SYN3: variants seen among roughly 807,000 people sequenced by gnomAD.
SYN3 encodes the protein synapsin III, also known as synapsin-3.
Under a neutral mutation model 65.8 loss-of-function variants are expected in SYN3, and 35 were observed. That is an observed-to-expected ratio of 0.53 (90% confidence interval 0.41 to 0.70). The LOEUF (loss-of-function observed/expected upper bound fraction) is 0.70, where lower values mean the gene tolerates loss of function less well. Ranked by LOEUF, SYN3 falls within the 30% of genes least tolerant of loss-of-function variation. The pLI, the probability that SYN3 is intolerant of heterozygous loss-of-function variation, is 0.00. For synonymous variants in SYN3, 270 were observed against 292.9 expected (o/e 0.92, Z 0.80); for missense variants, 680 against 749.0 (o/e 0.91, Z 1.08).
intron 7 of SYN3, among the ~76,000 whole-genome samples, chr22:32,589,230 AG>A (rs986303589): frequency 1.3e-5 from 2 of 152,204 alleles, no homozygotes; most frequent in Admixed American, 6.5e-5. Context: ...TCCCAGGCTA[AG>A]TCCCAGTTGT....
intron 4 of SYN3, among the ~76,000 whole-genome samples, chr22:32,914,107 G>A (rs2050128343): frequency 6.6e-6 from 1 of 152,158 alleles, no homozygotes; most frequent in East Asian, 1.9e-4. Context: ...GGAAACTGGG[G>A]CACAGCAAGA....
chr22:32,860,397 C>T (rs1182484453), intron 6 of SYN3: 3 of 152,576 alleles, frequency 2.0e-5, no homozygotes, highest in African/African-American at 7.2e-5. Context: ...TTGCATATAC[C>T]CACATGGGGA....
At position 32,930,361 on chromosome 22, in the gene SYN3, T is replaced by C. The variant is rs549257624; in HGVS notation, c.461+1029A>G. Among the ~76,000 whole-genome samples, 9 of 152,310 alleles carry C rather than the reference T, an allele frequency of 5.9e-5. No homozygotes were observed. The East Asian group carries it at 9.7e-4, about 16-fold the overall frequency. On this transcript the variant is annotated intron_variant, in intron 4 of 13. Coordinates refer to ENST00000358763, the MANE Select transcript of SYN3 (RefSeq NM_003490.4). ...CTCTCTTGTCTGCCATCAGGTAAGATATGCCTTTCACCTTCCACCGTGATT... is the reference window on the plus strand; with the variant it reads ...CTCTCTTGTCTGCCATCAGGTAAGACATGCCTTTCACCTTCCACCGTGATT...
At chr22:32,876,675 G>C (rs2048992336) in intron 4 of SYN3, among the ~76,000 whole-genome samples, 1 of 150,870 alleles carries the variant, frequency 6.6e-6, no homozygotes, top group Admixed American at 6.6e-5. Flanking sequence ...GGAAAAAAAT[G>C]GAAAATGAAA....
At chr22:32,574,322 T>TA (rs2058822335) in intron 7 of SYN3, among the ~76,000 whole-genome samples, 1 of 151,688 alleles carries the variant, frequency 6.6e-6, no homozygotes, top group South Asian at 2.1e-4. Flanking sequence ...TCTAACAAAA[T>TA]AAAAAAAGTA....
chr22:32,907,152 G>T (rs2049924289), intron 4 of SYN3, among the ~76,000 whole-genome samples: 1 of 152,100 alleles, frequency 6.6e-6, no homozygotes, highest in African/African-American at 2.4e-5. Context: ...TATATCTATT[G>T]TGTGCTCATC....
At chr22:32,780,434 G>A (rs921605616) in intron 6 of SYN3, among the ~76,000 whole-genome samples, 2 of 152,140 alleles carry the variant, frequency 1.3e-5, no homozygotes, top group East Asian at 3.9e-4. Flanking sequence ...GCTGTTGGCC[G>A]CTCTGGTTTC....
chr22:32,849,341 G>GT, intron 6 of SYN3: 1 of 863,522 alleles, frequency 1.2e-6, no homozygotes, highest in South Asian at 1.4e-5. Context: ...TGGCTCCAAG[G>GT]TAAGAGTGCA....
chr22:32,976,036 A>G (rs143825554), intron 3 of SYN3, among the ~76,000 whole-genome samples: 43 of 152,354 alleles, frequency 2.8e-4, no homozygotes, highest in African/African-American at 9.9e-4. Context: ...CATGTGAGAA[A>G]ATATAAATAC....
intron 9 of SYN3, among the ~76,000 whole-genome samples, chr22:32,536,180 T>C (rs2058161842): frequency 6.6e-6 from 1 of 152,170 alleles, no homozygotes; most frequent in African/African-American, 2.4e-5. Context: ...ATAGAGAAGA[T>C]GGCCACGACT....
intron 6 of SYN3, among the ~76,000 whole-genome samples, chr22:32,713,756 G>A (rs917784259): frequency 2.0e-5 from 3 of 151,594 alleles, no homozygotes; most frequent in Admixed American, 6.6e-5. Context: ...GCGTGAACCC[G>A]GGAGGCAACG....
intron 6 of SYN3, among the ~76,000 whole-genome samples, chr22:32,629,331 G>A (rs2059714114): frequency 6.6e-6 from 1 of 152,222 alleles, no homozygotes; most frequent in Non-Finnish European, 1.5e-5. Flanking sequence ...AGGCCCAGAT[G>A]CCATCTGGGT....
At chr22:32,614,598 C>T (rs1222730707) in intron 6 of SYN3, among the ~76,000 whole-genome samples, 1 of 152,224 alleles carries the variant, frequency 6.6e-6, no homozygotes, top group African/African-American at 2.4e-5. Flanking sequence ...AGAGCTCCTT[C>T]ATCACACAAA....
At chr22:32,877,318 A>T (rs1484602943) in intron 4 of SYN3, among the ~76,000 whole-genome samples, 1 of 152,214 alleles carries the variant, frequency 6.6e-6, no homozygotes, top group Non-Finnish European at 1.5e-5. Context: ...AAACCTAACA[A>T]GGAAAACCTA....
intron 1 of SYN3, chr22:33,057,630 C>T (rs564966364): frequency 3.3e-5 from 5 of 152,878 alleles, no homozygotes; most frequent in African/African-American, 4.8e-5. Flanking sequence ...CCTACTGTCC[C>T]TCTTAGCCCC....
intron 3 of SYN3, among the ~76,000 whole-genome samples, chr22:32,950,683 G>A (rs757414330): frequency 6.6e-6 from 1 of 152,160 alleles, no homozygotes; most frequent in Non-Finnish European, 1.5e-5. Context: ...ATCCGCAGAT[G>A]AGGTTTGGCT....
intron 6 of SYN3, among the ~76,000 whole-genome samples, chr22:32,755,323 G>A (rs528686311): frequency 4.6e-5 from 7 of 152,234 alleles, no homozygotes; most frequent in African/African-American, 7.2e-5. Flanking sequence ...ACTTTCACCC[G>A]CTGCCTTCAG....
intron 6 of SYN3, among the ~76,000 whole-genome samples, chr22:32,690,631 G>C (rs1278735971): frequency 6.6e-6 from 1 of 152,172 alleles, no homozygotes; most frequent in East Asian, 1.9e-4. Context: ...CAGCATGTCA[G>C]GCAGGCGATA....
At chr22:32,891,795 A>G (rs918786479) in intron 4 of SYN3, among the ~76,000 whole-genome samples, 1 of 151,906 alleles carries the variant, frequency 6.6e-6, no homozygotes, top group Non-Finnish European at 1.5e-5. Flanking sequence ...TCTTAATGTG[A>G]CTCTAAGAAA....
Sources: gnomAD v4.1 joint callset for allele counts (sites outside exome capture counted in the v4.1 genomes callset) on GRCh38, gnomAD v4.1.1 for gene constraint, MANE v1.5 for transcripts, NCBI Gene and HGNC (gene_info 2026-07-23, HGNC 2026-07-21) for gene names.